SRSF3: variants seen among roughly 807,000 people sequenced by gnomAD.
SRSF3 encodes serine/arginine-rich splicing factor 3.
For missense variants in SRSF3, 58 were observed against 217.1 expected (o/e 0.27, Z 4.61); for synonymous variants, 87 against 73.6 (o/e 1.18, Z -0.93).
rs1023398550 is a variant in SRSF3, at chr6:36,602,769, A to T, written c.*780A>T. 9.5e-6 allele frequency: 2 copies of T among 210,514 alleles called. No homozygotes were observed. Among genetic ancestry groups the T allele is most frequent in the African/African-American group, 4.5e-5 (2 of 44,076 alleles). The allele number at this position is 210,514 out of a possible 1,614,324, so 13.0% of individuals were successfully genotyped here. A position where few individuals can be genotyped will look rare whatever the true frequency, so the allele number is the denominator to read the frequency against. ...AATCCTTGGGATTAAAGTTTTGGTTACAAATTGTTCTTTAACTTGAAAGCC... is the reference window on the plus strand; with the variant it reads ...AATCCTTGGGATTAAAGTTTTGGTTTCAAATTGTTCTTTAACTTGAAAGCC... On this transcript the variant is annotated 3_prime_UTR_variant, in exon 6 of 6. Coordinates refer to ENST00000373715, the MANE Select transcript of SRSF3 (RefSeq NM_003017.5).
chr6:36,598,743 C>T (rs1178364626), intron 2 of SRSF3, 106 bp from the exon 3 acceptor site: 2 of 1,308,882 alleles, frequency 1.5e-6, no homozygotes, highest in Admixed American at 2.2e-5. Context: ...ATTGCACAGA[C>T]ACTTAGGTGT....
chr6:36,602,074 C>A lies in SRSF3; in HGVS notation c.*85C>A. ...CAGAAAATTCAAGTTTTGTTTGAGA[C>A]TTCATAAGCTTGGTGCATTTTTAAG... On this transcript the variant is annotated 3_prime_UTR_variant, in exon 6 of 6. Coordinates refer to ENST00000373715, the MANE Select transcript of SRSF3 (RefSeq NM_003017.5). The A allele has an allele frequency of 6.5e-7, 1 of 1,546,038 alleles. No homozygotes were observed. The highest frequency in any genetic ancestry group is 8.7e-7 in the Non-Finnish European group (1 of 1,154,140).
At chr6:36,596,657 A>T (rs1393230626) in intron 1 of SRSF3, 104 bp from the exon 2 acceptor site, 59 of 1,014,034 alleles carry the variant, frequency 5.8e-5, no homozygotes, top group Non-Finnish European at 7.9e-5. Context: ...TTTACGTGCT[A>T]CCTTAAACTC....
rs1778727990 is a variant in SRSF3, at chr6:36,602,110, T to G, written c.*121T>G. ...TGGTGCATTTTTAAGATGTTTTAGC[T>G]GTTCAAATCTGTTTGTCTCTTGAAA... On this transcript the variant is annotated 3_prime_UTR_variant, in exon 6 of 6. Coordinates refer to ENST00000373715, the MANE Select transcript of SRSF3 (RefSeq NM_003017.5). 1.3e-6 allele frequency: 2 copies of G among 1,496,266 alleles called. No individual in the cohort carries two copies. Among genetic ancestry groups the G allele is most frequent in the African/African-American group, 2.8e-5 (2 of 71,202 alleles). 92.7% of individuals were successfully genotyped at this position (1,496,266 alleles called of 1,614,324 possible). A position where few individuals can be genotyped will look rare whatever the true frequency, so the allele number is the denominator to read the frequency against.
intron 5 of SRSF3, 54 bp from the exon 6 acceptor site, chr6:36,601,908 G>A (rs1323250058): frequency 5.1e-6 from 8 of 1,576,902 alleles, no homozygotes; most frequent in Middle Eastern, 1.7e-4. Flanking sequence ...TCACTAAAGT[G>A]TCACCAAGTT....
chr6:36,601,687 A>C, intron 4 of SRSF3, 21 bp from the exon 5 acceptor site: 1 of 1,576,186 alleles, frequency 6.3e-7, no homozygotes, highest in South Asian at 1.1e-5. Context: ...CATTGGTCCT[A>C]ATGTTTTTTT....
chr6:36,599,785 T>A (rs951303313), intron 3 of SRSF3: 1 of 1,331,148 alleles, frequency 7.5e-7, no homozygotes, highest in East Asian at 4.6e-5. Flanking sequence ...TTGTGCTTTT[T>A]GGTCCATCTA....
In SRSF3 at chr6:36,602,085, T is replaced by G; in HGVS notation, c.*96T>G. 2 of 1,544,350 alleles carry G rather than the reference T, an allele frequency of 1.3e-6. No individual in the cohort carries two copies. Among genetic ancestry groups the G allele is most frequent in the Non-Finnish European group, 1.7e-6 (2 of 1,152,810 alleles). The stretch of plus-strand genomic sequence containing the variant: ...AGTTTTGTTTGAGACTTCATAAGCT[T>G]GGTGCATTTTTAAGATGTTTTAGCT... On this transcript the variant is annotated 3_prime_UTR_variant, in exon 6 of 6. Coordinates refer to ENST00000373715, the MANE Select transcript of SRSF3 (RefSeq NM_003017.5).
intron 3 of SRSF3, chr6:36,600,015 C>A: frequency 2.4e-6 from 3 of 1,252,822 alleles, no homozygotes; most frequent in Non-Finnish European, 3.1e-6. Flanking sequence ...TTCTCTCCAA[C>A]CTTAACCAAA....
rs569017426 is a variant in SRSF3, at chr6:36,604,391, T to C, written c.*2402T>C. 11 of 202,876 alleles carry C rather than the reference T, an allele frequency of 5.4e-5. No homozygotes were observed. The highest frequency in any genetic ancestry group is 2.1e-4 in the African/African-American group (9 of 43,758). 12.6% of individuals were successfully genotyped at this position (202,876 alleles called of 1,614,324 possible). ...AGGCTAGGGCGGGTGGGAGGATCTC[T>C]TGAAGCCAGGAGTTGGAGACCAGTC... is the stretch of plus-strand genomic sequence containing the variant. On this transcript the variant is annotated 3_prime_UTR_variant, in exon 6 of 6. Coordinates refer to ENST00000373715, the MANE Select transcript of SRSF3 (RefSeq NM_003017.5).
chr6:36,595,878 GT>G (rs1778619056), intron 1 of SRSF3, among the ~76,000 whole-genome samples: 1 of 152,018 alleles, frequency 6.6e-6, no homozygotes, highest in Non-Finnish European at 1.5e-5. Flanking sequence ...TACTAGCCTT[GT>G]TCCTATAGTT....
At position 36,600,987 on chromosome 6, in the gene SRSF3, CTTTTCTTTT is replaced by C. The variant is rs1360876802; in HGVS notation, c.342-151_342-143del. 610 of 389,414 alleles carry C rather than the reference CTTTTCTTTT, an allele frequency of 1.6e-3. 6 individuals are homozygous for C. Among genetic ancestry groups the C allele is most frequent in the South Asian group, 7.0e-3 (136 of 19,540 alleles). 24.1% of individuals were successfully genotyped at this position (389,414 alleles called of 1,614,324 possible). On this transcript the variant is annotated intron_variant, in intron 3 of 5. Coordinates refer to ENST00000373715, the MANE Select transcript of SRSF3 (RefSeq NM_003017.5). ...CTTAATCCTTCTGTGCCTTTTTTTT[CTTTTCTTTT>C]TTTTCTTTTTTTTTTTTTTTTTTTT...
intron 1 of SRSF3, among the ~76,000 whole-genome samples, chr6:36,595,490 C>G (rs976233374): frequency 5.9e-5 from 9 of 152,218 alleles, no homozygotes; most frequent in Admixed American, 2.0e-4. Context: ...TGAGCACTTA[C>G]TCCCAGATTC....
intron 1 of SRSF3, among the ~76,000 whole-genome samples, chr6:36,596,324 AACC>A (rs1376028424): frequency 6.6e-6 from 1 of 152,136 alleles, no homozygotes; most frequent in Non-Finnish European, 1.5e-5. Context: ...CTGGTAGTAT[AACC>A]TTAAGGACTA....
chr6:36,597,040 G>A, intron 2 of SRSF3, 72 bp downstream of exon 2: 1 of 1,378,846 alleles, frequency 7.3e-7, no homozygotes, highest in Admixed American at 1.8e-5. Context: ...AGGATATGTG[G>A]CTCTTAGATG....
Position 36,602,263 on chromosome 6 carries a change from C to A in SRSF3, c.*274C>A. 1 of 480,156 alleles carries A rather than the reference C, an allele frequency of 2.1e-6. No homozygotes were observed. The highest frequency in any genetic ancestry group is 6.0e-5 in the South Asian group (1 of 16,744). 29.7% of individuals were successfully genotyped at this position (480,156 alleles called of 1,614,324 possible). ...TTTGCTTTGAACTTTTAGTTATGCA[C>A]AGACTGATAATAAACCTCTAAACCT... On this transcript the variant is annotated 3_prime_UTR_variant, in exon 6 of 6. Coordinates refer to ENST00000373715, the MANE Select transcript of SRSF3 (RefSeq NM_003017.5).
chr6:36,594,552 G>A (rs1307346519), intron 1 of SRSF3, 71 bp downstream of exon 1: 1 of 152,296 alleles, frequency 6.6e-6, no homozygotes, highest in Non-Finnish European at 1.5e-5. Context: ...AGGCCCAATG[G>A]CGGCGCCAGA....
At position 36,602,841 on chromosome 6, in the gene SRSF3, G is replaced by A. The variant is rs962859788; in HGVS notation, c.*852G>A. On this transcript the variant is annotated 3_prime_UTR_variant, in exon 6 of 6. Transcript: ENST00000373715. ...ATCTGTGAGCTTGGTACCAAGTCCA[G>A]GTATAACATTCCTATTGGAAGCCAT... 5.8e-5 allele frequency: 12 copies of A among 208,028 alleles called. No homozygotes were observed. The highest frequency in any genetic ancestry group is 5.3e-4 in the Admixed American group (9 of 16,874). 12.9% of individuals were successfully genotyped at this position (208,028 alleles called of 1,614,324 possible).
rs886972472 is a variant in SRSF3, at chr6:36,600,607, C to T, written c.342-545C>T. 2.0e-5 allele frequency: 3 copies of T among 152,580 alleles called. No individual in the cohort carries two copies. The East Asian group carries it at 5.8e-4, about 29-fold the overall frequency. The allele number at this position is 152,580 out of a possible 1,614,324, so 9.5% of individuals were successfully genotyped here. A position where few individuals can be genotyped will look rare whatever the true frequency, so the allele number is the denominator to read the frequency against. ...TAAAATTTTGGGGTTGAAGTGTGGGCCAAGCTAAGGTAATTTTGGTAAGCC... is the reference window on the plus strand; with the variant it reads ...TAAAATTTTGGGGTTGAAGTGTGGGTCAAGCTAAGGTAATTTTGGTAAGCC... On this transcript the variant is annotated intron_variant, in intron 3 of 5. Coordinates refer to ENST00000373715, the MANE Select transcript of SRSF3 (RefSeq NM_003017.5).
Sources: allele counts gnomAD v4.1 joint callset (sites outside exome capture counted in the v4.1 genomes callset), GRCh38; gene constraint gnomAD v4.1.1; transcripts MANE v1.5; gene names NCBI Gene and HGNC (gene_info 2026-07-23, HGNC 2026-07-21).